The following PRUNE2 variants were observed in gnomAD, a reference collection of about 807,000 sequenced individuals.
The protein encoded by PRUNE2 is protein prune homolog 2.
Under a neutral mutation model 252.0 loss-of-function variants are expected in PRUNE2, and 164 were observed. The observed-to-expected ratio is 0.65, with a 90% confidence interval of 0.57 to 0.74. PRUNE2 has a LOEUF of 0.74. Among genes scored for constraint, PRUNE2 ranks in the 30% least tolerant of loss-of-function variants. The probability of loss-of-function intolerance (pLI) is 0.00; values close to 1 mark genes in which losing one functional copy is unlikely to be tolerated. For synonymous variants in PRUNE2, 1,292 were observed against 1,350.2 expected, an observed-to-expected ratio of 0.96 and a Z score of 0.94; for missense variants, 3,495 against 3,711.0, an observed-to-expected ratio of 0.94 and a Z score of 1.51.
chr9:76,743,474 G>C (rs771742717), intron 6 of PRUNE2, among the ~76,000 whole-genome samples: 1 of 152,068 alleles, frequency 6.6e-6, no homozygotes, highest in Non-Finnish European at 1.5e-5. Context: ...CCTCTATGGG[G>C]AACAGTCCCA....
chr9:76,759,215 T>C (rs2051453587), intron 6 of PRUNE2: 1 of 152,202 alleles, frequency 6.6e-6, no homozygotes, highest in Non-Finnish European at 1.5e-5. Context: ...GTGCATTTGA[T>C]GCCTGCCTCT....
In PRUNE2 at chr9:76,704,020, G is replaced by A. The variant is rs2046107961; in HGVS notation, c.7593C>T (p.Tyr2531=). The change falls in exon 9 of 19, where the codon TAC becomes TAT. Residue 2531 remains tyrosine (Y), a synonymous_variant. Transcript: ENST00000376718. ...TCTTCTCTGTACATCTTTCTTCCTT[G>A]TATTCTGATTTTATCTGCTCAGGCT... ...TKEPEQIKSE[Y]KEERCTEKNE... The A allele has an allele frequency of 1.9e-6, 3 of 1,613,382 alleles. No individual in the cohort carries two copies. The highest frequency in any genetic ancestry group is 1.1e-5 in the South Asian group (1 of 91,064).
rs767902882 is a variant in PRUNE2, at chr9:76,711,168, G to C, written c.1106C>G (p.Thr369Arg). 1.9e-6 allele frequency: 3 copies of C among 1,613,846 alleles called. No individual in the cohort carries two copies. Among genetic ancestry groups the C allele is most frequent in the South Asian group, 1.1e-5 (1 of 91,078 alleles). ...GGGGGCACTGCCTGCCACGGCTTCT[G>C]TTGAGGATGTCCGGCTATTGGAGAC... ...EMVSNSRTSS[T>R]EAVAGSAPLS... The change falls in exon 8 of 19, where the codon ACA becomes AGA. Residue 369 changes from threonine to arginine, a missense_variant. Thr to Arg is a moderately conservative substitution (Grantham distance 71). Coordinates refer to ENST00000376718, the MANE Select transcript of PRUNE2 (RefSeq NM_015225.3).
intron 6 of PRUNE2, among the ~76,000 whole-genome samples, chr9:76,788,934 G>A (rs1434286328): frequency 6.6e-6 from 1 of 152,148 alleles, no homozygotes; most frequent in Non-Finnish European, 1.5e-5. Flanking sequence ...TATCCTGGCT[G>A]TGCCTTGTTA....
At chr9:76,686,278 T>C (rs1564033454) in intron 9 of PRUNE2, among the ~76,000 whole-genome samples, 1 of 152,208 alleles carries the variant, frequency 6.6e-6, no homozygotes, top group Non-Finnish European at 1.5e-5. Flanking sequence ...ACTCACATTT[T>C]TGGGTTACCA....
At chr9:76,701,077 G>T (rs1162020181) in intron 9 of PRUNE2, among the ~76,000 whole-genome samples, 2 of 152,284 alleles carry the variant, frequency 1.3e-5, no homozygotes, top group East Asian at 3.9e-4. Flanking sequence ...CTCAAGCTTT[G>T]GAGGGCATCA....
intron 1 of PRUNE2, 123 bp downstream of exon 1, chr9:76,905,805 G>T: frequency 7.9e-7 from 1 of 1,265,238 alleles, no homozygotes; most frequent in Non-Finnish European, 1.2e-6. Flanking sequence ...GAGACAACCC[G>T]CACACCCTGA....
rs71354684 is a variant in PRUNE2 at position 76,816,163 on chromosome 9, C to CAA, written c.756+7467_756+7468dup. Among the ~76,000 whole-genome samples, 638 of 84,866 alleles carry CAA rather than the reference C, an allele frequency of 7.5e-3. 4 individuals carry two copies. The highest frequency in any genetic ancestry group is 0.027 in the African/African-American group (545 of 19,972). The allele number at this position is 84,866 out of a possible 152,430, so 55.7% of individuals were successfully genotyped here. The stretch of plus-strand genomic sequence containing the variant: ...GGCAACAAGAGCAAAACTCCATCTC[C>CAA]AAAAAAAAAAAAAAAAAGAATTATA... On this transcript the variant is annotated intron_variant, in intron 6 of 18. Transcript: ENST00000376718.
chr9:76,801,371 T>C (rs1172785054), intron 6 of PRUNE2, among the ~76,000 whole-genome samples: 1 of 152,194 alleles, frequency 6.6e-6, no homozygotes, highest in Non-Finnish European at 1.5e-5. Context: ...AAATTTGGCA[T>C]GGATACAACA....
At chr9:76,893,776 G>A (rs892149030) in intron 1 of PRUNE2, among the ~76,000 whole-genome samples, 5 of 152,116 alleles carry the variant, frequency 3.3e-5, no homozygotes, top group African/African-American at 1.2e-4. Context: ...GCCAGCTCTG[G>A]GATGGCATTT....
At chr9:76,715,477 T>C (rs1278175441) in intron 6 of PRUNE2, among the ~76,000 whole-genome samples, 2 of 152,194 alleles carry the variant, frequency 1.3e-5, no homozygotes, top group African/African-American at 2.4e-5. Context: ...TTTCCCTTTT[T>C]TGGTTGCAAG....
chr9:76,830,821 G>C (rs1405042945), intron 4 of PRUNE2, among the ~76,000 whole-genome samples: 4 of 152,026 alleles, frequency 2.6e-5, no homozygotes, highest in African/African-American at 9.7e-5. Context: ...TTAAAAGTAT[G>C]ACTGACTTCT....
Position 76,706,841 on chromosome 9 carries a change from G to C in PRUNE2, c.5433C>G (p.Asn1811Lys), listed in dbSNP as rs368183369. The change falls in exon 8 of 19, where the codon AAC becomes AAG. Residue 1811 changes from asparagine to lysine, a missense_variant. Transcript: ENST00000376718. ...QISPKASFPK[N>K]EDNSQLEMLG... ...GCATTTCCAGTTGAGAATTATCTTC[G>C]TTCTTTGGGAACGAAGCTTTGGGAG... 3 of 1,595,606 alleles carry C rather than the reference G, an allele frequency of 1.9e-6. No homozygotes were observed. Among genetic ancestry groups the C allele is most frequent in the Non-Finnish European group, 8.5e-7 (1 of 1,171,152 alleles).
rs78132671 is a variant in PRUNE2, at chr9:76,758,054, C to A, written c.757-44333G>T. Among the ~76,000 whole-genome samples, 279 of 151,940 alleles carry A rather than the reference C, an allele frequency of 1.8e-3. 1 individual carries two copies. Among genetic ancestry groups the A allele is most frequent in the African/African-American group, 6.6e-3 (274 of 41,474 alleles). On this transcript the variant is annotated intron_variant, in intron 6 of 18. Coordinates refer to ENST00000376718, the MANE Select transcript of PRUNE2 (RefSeq NM_015225.3). ...ATAATAATTTTTTCTTCTGGTTAAC[C>A]TTTGCTATCTTCAATCAGGAGACTA...
intron 1 of PRUNE2, among the ~76,000 whole-genome samples, chr9:76,895,876 C>G (rs926252149): frequency 6.6e-6 from 1 of 152,080 alleles, no homozygotes. Context: ...CTCTGCCTCC[C>G]GGGTTCAAGT....
chr9:76,809,237 T>A (rs924607184), intron 6 of PRUNE2, among the ~76,000 whole-genome samples: 1 of 152,192 alleles, frequency 6.6e-6, no homozygotes, highest in African/African-American at 2.4e-5. Context: ...TAATTGCCAA[T>A]CATCCGTAAG....
At chr9:76,866,273 G>A (rs2060834981) in intron 1 of PRUNE2, among the ~76,000 whole-genome samples, 1 of 152,166 alleles carries the variant, frequency 6.6e-6, no homozygotes, top group African/African-American at 2.4e-5. Flanking sequence ...CTAGCATAAA[G>A]TCACTCTGAA....
intron 4 of PRUNE2, among the ~76,000 whole-genome samples, chr9:76,844,590 T>C (rs1038994269): frequency 2.6e-5 from 4 of 151,966 alleles, no homozygotes; most frequent in Non-Finnish European, 5.9e-5. Context: ...ATTTAGAGAG[T>C]GTTCCATCTC....
intron 17 of PRUNE2, among the ~76,000 whole-genome samples, chr9:76,620,954 A>G (rs1399909901): frequency 6.6e-6 from 1 of 152,246 alleles, no homozygotes; most frequent in Non-Finnish European, 1.5e-5. Flanking sequence ...CTTCAGAAGT[A>G]TAATACTTTC....
Sources: gnomAD v4.1 joint callset for allele counts (sites outside exome capture counted in the v4.1 genomes callset) on GRCh38, gnomAD v4.1.1 for gene constraint, MANE v1.5 for transcripts, NCBI Gene and HGNC (gene_info 2026-07-23, HGNC 2026-07-21) for gene names.